The following PTPRN2 variants were observed in gnomAD, a reference collection of about 807,000 sequenced individuals.
PTPRN2 encodes the protein receptor-type tyrosine-protein phosphatase N2.
PTPRN2 carries 74 observed loss-of-function variants against 118.8 expected under a neutral mutation model. The ratio of observed to expected loss-of-function variants is 0.62; its 90% CI spans 0.52 to 0.76. The LOEUF (loss-of-function observed/expected upper bound fraction) is 0.76. Ranked by LOEUF, PTPRN2 falls within the 30% of genes least tolerant of loss-of-function variation. The probability of loss-of-function intolerance (pLI) is 0.00; values close to 1 mark genes in which losing one functional copy is unlikely to be tolerated. For synonymous variants in PTPRN2, 641 were observed against 608.0 expected, an observed-to-expected ratio of 1.05 and a Z score of -0.80; for missense variants, 1,481 against 1,394.4, an observed-to-expected ratio of 1.06 and a Z score of -0.99.
intron 10 of PTPRN2, among the ~76,000 whole-genome samples, chr7:158,110,075 C>A (rs1816097026): frequency 6.6e-6 from 1 of 152,012 alleles, no homozygotes. Context: ...TAGGCAGGCA[C>A]CCCTCGGTCC....
chr7:157,710,752 A>G (rs1798570625), intron 12 of PTPRN2, among the ~76,000 whole-genome samples: 1 of 131,282 alleles, frequency 7.6e-6, no homozygotes, highest in Non-Finnish European at 1.7e-5. Flanking sequence ...CCTGGCCCTC[A>G]GCCCGCCCAT....
At chr7:158,557,348 A>ACAGCTCCCACGCAGGTCAGG (rs1827107574) in intron 1 of PTPRN2, among the ~76,000 whole-genome samples, 1 of 93,700 alleles carries the variant, frequency 1.1e-5, no homozygotes, top group African/African-American at 5.3e-5. Flanking sequence ...CGCAGGTCAG[A>ACAGCTCCCACGCAGGTCAGG]CGGCTCCCAC....
chr7:158,310,715 G>A (rs554270780), intron 3 of PTPRN2, among the ~76,000 whole-genome samples: 18 of 147,204 alleles, frequency 1.2e-4, no homozygotes, highest in South Asian at 2.2e-4. Context: ...GCCCTGAGCC[G>A]GACAGAGCGC....
intron 1 of PTPRN2, among the ~76,000 whole-genome samples, chr7:158,543,313 C>G (rs12534752): frequency 0.21 from 31,972 of 152,094 alleles, 3,695 homozygotes; most frequent in East Asian, 0.43. Context: ...AAGGAAGGCC[C>G]GGAGGGAAGC....
At position 157,892,158 on chromosome 7, in the gene PTPRN2, A is replaced by ACGC. The variant is rs1403983252; in HGVS notation, c.1788+6514_1788+6515insGCG. Among the ~76,000 whole-genome samples, 183 of 151,650 alleles carry ACGC rather than the reference A, an allele frequency of 1.2e-3. 9 individuals carry two copies. The highest frequency in any genetic ancestry group is 4.1e-3 in the African/African-American group (170 of 41,230). On this transcript the variant is annotated intron_variant, in intron 12 of 22. Coordinates refer to ENST00000389418, the MANE Select transcript of PTPRN2 (RefSeq NM_002847.5). ...GCAGGGGACCTCTGTGTCTATCACG[A>ACGC]TGCTTAGAAGCTAGAACGCTGGGCA...
At chr7:157,608,527 C>T (rs1458705333) in intron 15 of PTPRN2, among the ~76,000 whole-genome samples, 1 of 152,166 alleles carries the variant, frequency 6.6e-6, no homozygotes, top group Non-Finnish European at 1.5e-5. Context: ...AGTTCATGTG[C>T]CTGGCGAATC....
At chr7:158,268,393 G>T (rs896787820) in intron 3 of PTPRN2, among the ~76,000 whole-genome samples, 3 of 136,336 alleles carry the variant, frequency 2.2e-5, no homozygotes, top group Non-Finnish European at 4.6e-5. Flanking sequence ...TATCCCAGCC[G>T]CACGCACACA....
At chr7:158,395,542 T>C (rs189513580) in intron 2 of PTPRN2, among the ~76,000 whole-genome samples, 1 of 6,854 alleles carries the variant, frequency 1.5e-4, no homozygotes, top group African/African-American at 6.1e-4. Flanking sequence ...GGGTGAGGGG[T>C]GAGGCGCGAG....
intron 9 of PTPRN2, among the ~76,000 whole-genome samples, chr7:158,131,982 ACACACT>A (rs1286566117): frequency 6.7e-6 from 1 of 150,296 alleles, no homozygotes. Context: ...TACCCAACAC[ACACACT>A]CACACACATG....
At chr7:158,132,130 TAC>T (rs57902983) in intron 9 of PTPRN2, among the ~76,000 whole-genome samples, 99,993 of 149,994 alleles carry the variant, frequency 0.67, 33,887 homozygotes, top group African/African-American at 0.81. Context: ...CCAACACACA[TAC>T]ACACACACGT....
intron 5 of PTPRN2, among the ~76,000 whole-genome samples, chr7:158,168,245 T>C (rs1254114845): frequency 6.6e-6 from 1 of 152,246 alleles, no homozygotes; most frequent in Non-Finnish European, 1.5e-5. Context: ...GCCTAGTATG[T>C]CCTGCACCTG....
In PTPRN2 at chr7:158,178,359, C is replaced by A. The variant is rs184381975; in HGVS notation, c.550-11068G>T. Reference sequence around the variant, plus strand: ...TTTATCCCTCTCCCCTCTCACCCTCCCGCTTCTGAGTCTCCAAAGTCCATT... The same window carrying A: ...TTTATCCCTCTCCCCTCTCACCCTCACGCTTCTGAGTCTCCAAAGTCCATT... On this transcript the variant is annotated intron_variant, in intron 5 of 22. Coordinates refer to ENST00000389418, the MANE Select transcript of PTPRN2 (RefSeq NM_002847.5). Among the ~76,000 whole-genome samples the A allele has an allele frequency of 2.3e-3, 356 of 152,240 alleles. 1 individual carries two copies. Among genetic ancestry groups the A allele is most frequent in the Admixed American group, 6.8e-3 (104 of 15,282 alleles).
Position 157,632,802 on chromosome 7 carries a change from G to C in PTPRN2, c.2197-11293C>G, listed in dbSNP as rs1466755901. ...TATGTGAACATAGGTAAAATACAGA[G>C]ATGAATGCTTATAAGCAATGGAAAA... On this transcript the variant is annotated intron_variant, in intron 14 of 22. Transcript: ENST00000389418. This position sits in a 1 kb window ranked among gnomAD's most constrained non-coding sequence, Gnocchi z 4.3. Among the ~76,000 whole-genome samples, 1 of 152,194 alleles carries C rather than the reference G, an allele frequency of 6.6e-6. No homozygotes were observed. The highest frequency in any genetic ancestry group is 1.5e-5 in the Non-Finnish European group (1 of 68,038).
chr7:158,050,114 C>T (rs1210543058), intron 11 of PTPRN2, among the ~76,000 whole-genome samples: 1 of 152,120 alleles, frequency 6.6e-6, no homozygotes, highest in African/African-American at 2.4e-5. Context: ...AAGCGTGTTC[C>T]TGAAAAGGTA....
intron 2 of PTPRN2, among the ~76,000 whole-genome samples, chr7:158,471,829 T>C (rs1019475559): frequency 1.3e-5 from 2 of 152,228 alleles, no homozygotes; most frequent in African/African-American, 4.8e-5. Flanking sequence ...ACTCTGACAA[T>C]TGGCGGGCGC....
chr7:158,472,040 A>G (rs1429432850), intron 2 of PTPRN2, among the ~76,000 whole-genome samples: 17 of 152,018 alleles, frequency 1.1e-4, no homozygotes, highest in African/African-American at 3.1e-4. Context: ...CCACGGTTCC[A>G]TTCCCACCAC....
intron 3 of PTPRN2, among the ~76,000 whole-genome samples, chr7:158,289,495 T>C (rs1799969948): frequency 6.6e-6 from 1 of 152,356 alleles, no homozygotes; most frequent in Non-Finnish European, 1.5e-5. Flanking sequence ...ATCCAGAGTT[T>C]CTAGAATTTT....
chr7:158,343,688 G>A (rs376669717), intron 2 of PTPRN2, among the ~76,000 whole-genome samples: 21 of 149,878 alleles, frequency 1.4e-4, no homozygotes, highest in African/African-American at 4.5e-4. Flanking sequence ...CAGAGCTCGC[G>A]CAGAGGCTCA....
chr7:157,889,668 TC>T (rs1796682537), intron 12 of PTPRN2, among the ~76,000 whole-genome samples: 1 of 152,176 alleles, frequency 6.6e-6, no homozygotes, highest in Admixed American at 6.5e-5. Context: ...TATTCACGGC[TC>T]CTCCCATAAC....
Sources: allele counts gnomAD v4.1 joint callset (sites outside exome capture counted in the v4.1 genomes callset), GRCh38; gene constraint gnomAD v4.1.1; non-coding constraint Gnocchi (gnomAD v3.1); transcripts MANE v1.5; gene names NCBI Gene and HGNC (gene_info 2026-07-23, HGNC 2026-07-21).